Variants in DENND1A observed in about 807,000 individuals in gnomAD.
DENND1A encodes DENN domain containing 1A, also known as DENN domain-containing protein 1A.
In DENND1A, 51 loss-of-function variants were observed where a neutral mutation model predicts 113.7. That is an observed-to-expected ratio of 0.45 (90% CI 0.36 to 0.57). The LOEUF (loss-of-function observed/expected upper bound fraction) is 0.57. Ranked by LOEUF, DENND1A falls within the 20% of genes least tolerant of loss-of-function variation. DENND1A has a pLI of 0.00. For missense variants in DENND1A, 1,258 were observed against 1,395.9 expected (o/e 0.90, Z 1.57); for synonymous variants, 565 against 570.8 (o/e 0.99, Z 0.14).
At chr9:123,822,425 A>G (rs1838631418) in intron 2 of DENND1A, among the ~76,000 whole-genome samples, 1 of 152,238 alleles carries the variant, frequency 6.6e-6, no homozygotes, top group African/African-American at 2.4e-5. Context: ...CACAGGTTAG[A>G]AATGGATACA....
chr9:123,506,804 C>T (rs1165199070), intron 13 of DENND1A, among the ~76,000 whole-genome samples: 1 of 152,054 alleles, frequency 6.6e-6, no homozygotes, highest in Non-Finnish European at 1.5e-5. Flanking sequence ...GGGTTCTTCC[C>T]ACCAAAAGAT....
chr9:123,777,187 C>T (rs1325431189), intron 3 of DENND1A, among the ~76,000 whole-genome samples: 1 of 152,216 alleles, frequency 6.6e-6, no homozygotes, highest in African/African-American at 2.4e-5. Context: ...GCAAATTCTA[C>T]CTCTCTTACC....
intron 8 of DENND1A, among the ~76,000 whole-genome samples, chr9:123,659,880 C>T (rs983376691): frequency 6.6e-6 from 1 of 152,184 alleles, no homozygotes; most frequent in Non-Finnish European, 1.5e-5. Flanking sequence ...GATTAATATG[C>T]AAATTTCAAC....
chr9:123,526,915 G>A (rs1377756224), intron 13 of DENND1A, among the ~76,000 whole-genome samples: 1 of 151,876 alleles, frequency 6.6e-6, no homozygotes, highest in African/African-American at 2.4e-5. Flanking sequence ...TTCCCCTCTG[G>A]TCTCCTGGAT....
intron 1 of DENND1A, among the ~76,000 whole-genome samples, chr9:123,924,728 G>GT (rs1856809805): frequency 6.6e-6 from 1 of 151,450 alleles, no homozygotes; most frequent in African/African-American, 2.4e-5. Flanking sequence ...ATAAAATTTC[G>GT]TATCTTAAAC....
chr9:123,915,425 T>C (rs1328471916), intron 1 of DENND1A, among the ~76,000 whole-genome samples: 4 of 152,226 alleles, frequency 2.6e-5, no homozygotes, highest in South Asian at 2.1e-4. Flanking sequence ...GACCACATAA[T>C]GTTAAAGCAT....
At chr9:123,730,250 T>A (rs982075021) in intron 5 of DENND1A, among the ~76,000 whole-genome samples, 1 of 152,102 alleles carries the variant, frequency 6.6e-6, no homozygotes, top group Admixed American at 6.6e-5. Flanking sequence ...AAGCCAAAAT[T>A]GGCAAATGGG....
chr9:123,580,273 A>G (rs1056751908), intron 12 of DENND1A, among the ~76,000 whole-genome samples: 21 of 152,224 alleles, frequency 1.4e-4, no homozygotes, highest in African/African-American at 4.6e-4. Flanking sequence ...TGTCATTTAA[A>G]AGGCATCTTG....
At chr9:123,644,394 A>C (rs933298424) in intron 9 of DENND1A, among the ~76,000 whole-genome samples, 3 of 151,610 alleles carry the variant, frequency 2.0e-5, no homozygotes, top group Admixed American at 6.6e-5. Flanking sequence ...AAAAAAAAAA[A>C]AAAAAAAACC....
intron 10 of DENND1A, among the ~76,000 whole-genome samples, chr9:123,626,707 C>G (rs1249557364): frequency 6.6e-6 from 1 of 152,120 alleles, no homozygotes; most frequent in Non-Finnish European, 1.5e-5. Flanking sequence ...GAGAAGAAAC[C>G]AAGAGAGTTG....
intron 12 of DENND1A, among the ~76,000 whole-genome samples, chr9:123,564,916 T>C (rs545193296): frequency 1.3e-3 from 201 of 151,940 alleles, no homozygotes; most frequent in Middle Eastern, 6.8e-3. Context: ...GTGTCTTTCA[T>C]TTAGGGACAC....
chr9:123,571,556 C>T (rs2058356749), intron 12 of DENND1A, among the ~76,000 whole-genome samples: 1 of 152,236 alleles, frequency 6.6e-6, no homozygotes, highest in Non-Finnish European at 1.5e-5. Context: ...TGAAATCCTA[C>T]AGTGCTGTGT....
intron 5 of DENND1A, among the ~76,000 whole-genome samples, chr9:123,688,346 GT>G (rs1214554907): frequency 5.3e-5 from 8 of 152,190 alleles, no homozygotes; most frequent in African/African-American, 1.9e-4. Flanking sequence ...ATTAGCTGTT[GT>G]CAAAATGAGA....
At chr9:123,386,823 G>A (rs1432920643) in intron 22 of DENND1A, among the ~76,000 whole-genome samples, 1 of 152,180 alleles carries the variant, frequency 6.6e-6, no homozygotes, top group Non-Finnish European at 1.5e-5. Context: ...GGGTTTATAA[G>A]GTCCCCAGAG....
chr9:123,902,307 A>G (rs1564473492), intron 1 of DENND1A, among the ~76,000 whole-genome samples: 1 of 152,156 alleles, frequency 6.6e-6, no homozygotes, highest in Non-Finnish European at 1.5e-5. Context: ...ATTACACACA[A>G]AAAGTTCAGT....
Position 123,616,793 on chromosome 9 carries a change from C to T in DENND1A, c.720-7312G>A, listed in dbSNP as rs117092567. On this transcript the variant is annotated intron_variant, in intron 10 of 23. Transcript: ENST00000394215. ...GGAGGGAAAAGTGTTTTCCACAGGC[C>T]GGTTAGTCAGTCAGTCAACAGGTAT... Among the ~76,000 whole-genome samples the T allele has an allele frequency of 5.0e-3, 759 of 152,268 alleles. 3 individuals are homozygous for T. The highest frequency in any genetic ancestry group is 7.6e-3 in the Non-Finnish European group (520 of 68,030).
chr9:123,752,481 C>T (rs1252575301), intron 5 of DENND1A, among the ~76,000 whole-genome samples: 3 of 152,024 alleles, frequency 2.0e-5, no homozygotes, highest in Admixed American at 6.6e-5. Flanking sequence ...CAATAAGATC[C>T]CAATGGAAGC....
At chr9:123,639,922 G>T (rs770798264) in intron 9 of DENND1A, among the ~76,000 whole-genome samples, 1 of 152,084 alleles carries the variant, frequency 6.6e-6, no homozygotes, top group Non-Finnish European at 1.5e-5. Context: ...AAGGTAGGTA[G>T]CATTATTGTC....
rs1243755269 is a variant in DENND1A, at chr9:123,440,410, C to T, written c.1438G>A (p.Asp480Asn). 1 of 1,596,840 alleles carries T rather than the reference C, an allele frequency of 6.3e-7. No homozygotes were observed. The highest frequency in any genetic ancestry group is 8.5e-7 in the Non-Finnish European group (1 of 1,173,760). ...CGCCGGTCTTCTCGGAGCTTGGGGT[C>T]CTTGGCCTCCACCAGTGGGGACGGT... ...TAPSPLVEAKDPKLREDRRPI... is the reference protein window; with the variant it reads ...TAPSPLVEAKNPKLREDRRPI... The change falls in exon 19 of 24, where the codon GAC (aspartate) becomes AAC (asparagine). Residue 480 changes from aspartate (D) to asparagine (N), a missense_variant. Coordinates refer to ENST00000394215, the MANE Select transcript of DENND1A (RefSeq NM_001352964.2).
Sources: gnomAD v4.1 joint callset for allele counts (sites outside exome capture counted in the v4.1 genomes callset) on GRCh38, gnomAD v4.1.1 for gene constraint, MANE v1.5 for transcripts, NCBI Gene and HGNC (gene_info 2026-07-23, HGNC 2026-07-21) for gene names.